DGKG: variants seen among roughly 807,000 people sequenced by gnomAD.
DGKG encodes the protein diacylglycerol kinase gamma, also known as DAG kinase gamma.
A neutral mutation model predicts 105.3 loss-of-function variants in DGKG; 78 were observed. The ratio of observed to expected loss-of-function variants is 0.74; its 90% CI spans 0.62 to 0.89. The LOEUF (loss-of-function observed/expected upper bound fraction) is 0.89, where lower values mean the gene tolerates loss of function less well. DGKG is among the 40% of genes least tolerant of loss of function. The pLI is 0.00. For missense variants in DGKG, 958 were observed against 1,020.1 expected (o/e 0.94, Z 0.83); for synonymous variants, 346 against 367.1 (o/e 0.94, Z 0.66).
At chr3:186,187,287 G>T (rs1264757124) in intron 22 of DGKG, among the ~76,000 whole-genome samples, 1 of 152,234 alleles carries the variant, frequency 6.6e-6, no homozygotes, top group East Asian at 1.9e-4. Flanking sequence ...GATCAAGATG[G>T]CAGGAATGCA....
At chr3:186,178,948 A>T (rs902850997) in intron 22 of DGKG, among the ~76,000 whole-genome samples, 2 of 152,144 alleles carry the variant, frequency 1.3e-5, no homozygotes, top group African/African-American at 2.4e-5. Context: ...TAATTTATAA[A>T]ATTTATTCTT....
intron 22 of DGKG, among the ~76,000 whole-genome samples, chr3:186,187,452 A>G (rs1417025501): frequency 6.6e-6 from 1 of 152,128 alleles, no homozygotes; most frequent in Non-Finnish European, 1.5e-5. Context: ...ACCAATGGAG[A>G]GAAATAAGGC....
chr3:186,191,318 G>A (rs1414363115), intron 21 of DGKG, among the ~76,000 whole-genome samples: 1 of 152,166 alleles, frequency 6.6e-6, no homozygotes. Context: ...TCTTGCCAGG[G>A]ATCAGAATAA....
At chr3:186,340,597 G>A (rs1234459971) in intron 1 of DGKG, among the ~76,000 whole-genome samples, 4 of 152,126 alleles carry the variant, frequency 2.6e-5, no homozygotes, top group Admixed American at 6.6e-5. Flanking sequence ...TGTTGCTGAT[G>A]GAATCACATG....
intron 3 of DGKG, 151 bp from the exon 4 acceptor site, chr3:186,298,380 G>T: frequency 1.4e-6 from 1 of 700,238 alleles, no homozygotes; most frequent in Non-Finnish European, 2.3e-6. Context: ...GGAATGAAAA[G>T]GCCAGGGAAG....
intron 5 of DGKG, among the ~76,000 whole-genome samples, chr3:186,293,315 G>A (rs1003831689): frequency 2.0e-5 from 3 of 152,028 alleles, no homozygotes; most frequent in Non-Finnish European, 4.4e-5. Context: ...ACTGATCTTT[G>A]TTGTTTCTTT....
intron 5 of DGKG, 118 bp downstream of exon 5, chr3:186,297,303 A>C (rs971157195): frequency 1.3e-6 from 1 of 772,670 alleles, no homozygotes; most frequent in African/African-American, 1.7e-5. Flanking sequence ...GGAGGACCAG[A>C]TCTGCATAAG....
At chr3:186,157,203 A>G (rs569007307) in intron 24 of DGKG, among the ~76,000 whole-genome samples, 3 of 152,052 alleles carry the variant, frequency 2.0e-5, no homozygotes, top group Non-Finnish European at 4.4e-5. Context: ...AGGAGTTTTT[A>G]TCTTTAAAAA....
chr3:186,233,583 C>T (rs989335181), intron 20 of DGKG, among the ~76,000 whole-genome samples: 1 of 152,130 alleles, frequency 6.6e-6, no homozygotes, highest in African/African-American at 2.4e-5. Flanking sequence ...GGGTTCACGC[C>T]ATTCTCCTGC....
At chr3:186,355,201 C>CCCCA in intron 1 of DGKG, among the ~76,000 whole-genome samples, 3 of 152,078 alleles carry the variant, frequency 2.0e-5, no homozygotes, top group South Asian at 2.1e-4. Flanking sequence ...TCAATACCAC[C>CCCCA]ACCAACACCA....
At chr3:186,285,436 G>T (rs887693343) in intron 6 of DGKG, among the ~76,000 whole-genome samples, 2 of 152,064 alleles carry the variant, frequency 1.3e-5, no homozygotes, top group African/African-American at 4.8e-5. Context: ...TTTTTCTAAA[G>T]GTATTCGGAA....
At chr3:186,150,332 A>G (rs1715698631) in intron 24 of DGKG, 144 bp from the exon 25 acceptor site, 2 of 1,119,998 alleles carry the variant, frequency 1.8e-6, no homozygotes, top group East Asian at 5.3e-5. Context: ...CGGCTTCAAA[A>G]TTGGCAACTT....
At chr3:186,153,676 T>G (rs1715881928) in intron 24 of DGKG, among the ~76,000 whole-genome samples, 1 of 152,208 alleles carries the variant, frequency 6.6e-6, no homozygotes, top group Non-Finnish European at 1.5e-5. Context: ...AACCAACACA[T>G]TCTTATTACT....
intron 4 of DGKG, among the ~76,000 whole-genome samples, chr3:186,297,714 G>C (rs1409139609): frequency 1.3e-5 from 2 of 152,134 alleles, no homozygotes; most frequent in South Asian, 4.1e-4. Context: ...ACACTTCCAA[G>C]CTAGTCCCAG....
chr3:186,212,108 C>G (rs1719066258), intron 20 of DGKG, among the ~76,000 whole-genome samples: 1 of 152,182 alleles, frequency 6.6e-6, no homozygotes, highest in African/African-American at 2.4e-5. Flanking sequence ...CACGGCAACC[C>G]TGGGTGAACT....
chr3:186,151,909 T>C (rs1363482868), intron 24 of DGKG, among the ~76,000 whole-genome samples: 4 of 151,924 alleles, frequency 2.6e-5, no homozygotes, highest in African/African-American at 9.7e-5. Context: ...TGAAACCCCG[T>C]TTGTACTAAA....
At chr3:186,310,265 CAAAA>C (rs1165723037) in intron 2 of DGKG, among the ~76,000 whole-genome samples, 1,285 of 33,280 alleles carry the variant, frequency 0.039, 24 homozygotes, top group African/African-American at 0.11. Context: ...GACTCCGTCT[CAAAA>C]AAAAAAAAAA....
At chr3:186,232,641 A>G (rs1167295911) in intron 20 of DGKG, among the ~76,000 whole-genome samples, 1 of 152,152 alleles carries the variant, frequency 6.6e-6, no homozygotes, top group African/African-American at 2.4e-5. Flanking sequence ...GAACTTTCCA[A>G]ATTATTTATA....
chr3:186,295,670 C>G (rs989944760), intron 5 of DGKG, among the ~76,000 whole-genome samples: 2 of 132,060 alleles, frequency 1.5e-5, no homozygotes, highest in Non-Finnish European at 3.2e-5. Context: ...AGGTCTGACT[C>G]TCTGAGTCTT....
Sources: allele counts gnomAD v4.1 joint callset (sites outside exome capture counted in the v4.1 genomes callset), GRCh38; gene constraint gnomAD v4.1.1; transcripts MANE v1.5; gene names NCBI Gene and HGNC (gene_info 2026-07-23, HGNC 2026-07-21).